Variants in TRMT44 observed in about 807,000 individuals in gnomAD.
TRMT44 encodes the protein probable tRNA (uracil-O(2)-)-methyltransferase.
A neutral mutation model predicts 77.3 loss-of-function variants in TRMT44; 78 were observed. The observed-to-expected ratio is 1.01, with a 90% CI of 0.84 to 1.22. The LOEUF is 1.22. Among genes scored for constraint, TRMT44 ranks in the 50% most tolerant of loss-of-function variants. The pLI is 0.00. For missense variants in TRMT44, 1,090 were observed against 964.4 expected, an observed-to-expected ratio of 1.13 and a Z score of -1.73; for synonymous variants, 391 against 383.3, an observed-to-expected ratio of 1.02 and a Z score of -0.23.
chr4:8,514,071 G>T, the TRMT44 span, among the ~76,000 whole-genome samples: 2 of 152,172 alleles, frequency 1.3e-5, no homozygotes, highest in Non-Finnish European at 2.9e-5. Context: ...CACAGGTCCA[G>T]CCTACTGGAA....
chr4:8,445,794 G>A (rs1168535995), intron 1 of TRMT44, among the ~76,000 whole-genome samples: 1 of 152,150 alleles, frequency 6.6e-6, no homozygotes, highest in Non-Finnish European at 1.5e-5. Context: ...CCACAGTTGT[G>A]CATATTTGGC....
chr4:8,508,463 C>G, the TRMT44 span, among the ~76,000 whole-genome samples: 1 of 152,202 alleles, frequency 6.6e-6, no homozygotes, highest in African/African-American at 2.4e-5. Context: ...CAAGTGACCC[C>G]CAGCCAGGCC....
chr4:8,472,097 A>G (rs1049412436), intron 10 of TRMT44, among the ~76,000 whole-genome samples: 1 of 151,196 alleles, frequency 6.6e-6, no homozygotes, highest in African/African-American at 2.4e-5. Context: ...TTCCACGTGC[A>G]TCTTTAAGAA....
At chr4:8,453,776 G>A (rs1457320308) in intron 5 of TRMT44, 1 of 152,288 alleles carries the variant, frequency 6.6e-6, no homozygotes, top group Non-Finnish European at 1.5e-5. Flanking sequence ...GCCACTTCCT[G>A]CTAGGGGGCA....
At chr4:8,483,420 G>A (rs893099557) in intron 2 of TRMT44, among the ~76,000 whole-genome samples, 9 of 151,970 alleles carry the variant, frequency 5.9e-5, no homozygotes, top group Non-Finnish European at 7.4e-5. Context: ...GTTTTTTTGG[G>A]GGGGGGCACG....
At chr4:8,445,087 G>C (rs1303479188) in intron 1 of TRMT44, among the ~76,000 whole-genome samples, 1 of 152,186 alleles carries the variant, frequency 6.6e-6, no homozygotes, top group Admixed American at 6.5e-5. Flanking sequence ...CAGTGACACT[G>C]AGGCTAAGAA....
At chr4:8,463,101 T>G (rs1045210504) in intron 6 of TRMT44, among the ~76,000 whole-genome samples, 1 of 152,222 alleles carries the variant, frequency 6.6e-6, no homozygotes, top group Non-Finnish European at 1.5e-5. Context: ...TTAGAAAGAA[T>G]AGCCTTGAAG....
chr4:8,481,187 CAACCA>C (rs1250298050), downstream of TRMT44, among the ~76,000 whole-genome samples: 2 of 152,240 alleles, frequency 1.3e-5, no homozygotes, highest in African/African-American at 4.8e-5. Flanking sequence ...CAGACAAACT[CAACCA>C]ATTGTCAACC....
In TRMT44 at chr4:8,451,537, C is replaced by T. The variant is rs1312954869; in HGVS notation, c.955-423C>T. ...TATCCCTGTTTGACAGGTAGGGCGACAGCAGCCACTGATGGACCAGGGGCT... is the reference window on the plus strand; with the variant it reads ...TATCCCTGTTTGACAGGTAGGGCGATAGCAGCCACTGATGGACCAGGGGCT... On this transcript the variant is annotated intron_variant, in intron 3 of 10. Coordinates refer to ENST00000389737, the MANE Select transcript of TRMT44 (RefSeq NM_152544.3). This position sits in a 1 kb window ranked among gnomAD's most constrained non-coding sequence, Gnocchi z 4.1. Among the ~76,000 whole-genome samples, 1 of 152,202 alleles carries T rather than the reference C, an allele frequency of 6.6e-6. No homozygotes were observed. The highest frequency in any genetic ancestry group is 1.5e-5 in the Non-Finnish European group (1 of 68,042).
chr4:8,466,800 C>G (rs375096829), intron 8 of TRMT44, among the ~76,000 whole-genome samples: 1 of 152,160 alleles, frequency 6.6e-6, no homozygotes, highest in African/African-American at 2.4e-5. Flanking sequence ...GTTTGGGGAT[C>G]GAATGTAAGA....
the TRMT44 span, among the ~76,000 whole-genome samples, chr4:8,511,377 A>G: frequency 6.6e-6 from 1 of 152,106 alleles, no homozygotes; most frequent in African/African-American, 2.4e-5. Context: ...GAGTCAGAAT[A>G]ATGTCCCCCC....
chr4:8,515,370 G>A, the TRMT44 span, among the ~76,000 whole-genome samples: 5 of 152,250 alleles, frequency 3.3e-5, no homozygotes, highest in South Asian at 2.1e-4. Context: ...ACGGTCCAGC[G>A]AAGGGCAGCG....
the TRMT44 span, among the ~76,000 whole-genome samples, chr4:8,513,266 C>T: frequency 1.3e-5 from 2 of 152,240 alleles, no homozygotes; most frequent in Non-Finnish European, 2.9e-5. Flanking sequence ...GAGCAAGTCA[C>T]ATCTTACATG....
chr4:8,467,100 G>A (rs2109160457), intron 8 of TRMT44, among the ~76,000 whole-genome samples: 2 of 152,346 alleles, frequency 1.3e-5, no homozygotes, highest in Middle Eastern at 6.8e-3. Flanking sequence ...GGGGTGTGCG[G>A]CAAAGGGAGG....
At chr4:8,443,019 T>C (rs1724847562) in intron 1 of TRMT44, among the ~76,000 whole-genome samples, 1 of 152,212 alleles carries the variant, frequency 6.6e-6, no homozygotes, top group African/African-American at 2.4e-5. Flanking sequence ...TATTACGGCA[T>C]GGACACTTTT....
chr4:8,445,236 C>T (rs1239661383), intron 1 of TRMT44, among the ~76,000 whole-genome samples: 13 of 152,232 alleles, frequency 8.5e-5, no homozygotes, highest in African/African-American at 2.9e-4. Context: ...AAGTGAGCCT[C>T]GCACCTTGGC....
At chr4:8,473,078 A>G (rs978347916) in intron 10 of TRMT44, among the ~76,000 whole-genome samples, 9 of 152,238 alleles carry the variant, frequency 5.9e-5, no homozygotes, top group Admixed American at 2.0e-4. Context: ...TGCGAAAACT[A>G]TGCTCTGAAG....
At chr4:8,484,911 A>G (rs1305246965) in intron 2 of TRMT44, among the ~76,000 whole-genome samples, 1 of 152,196 alleles carries the variant, frequency 6.6e-6, no homozygotes, top group African/African-American at 2.4e-5. Flanking sequence ...ATGAAGAATT[A>G]TGCCGAGATA....
At position 8,464,703 on chromosome 4, in the gene TRMT44, C is replaced by T. The variant is rs796989645; in HGVS notation, c.1310+612C>T. On this transcript the variant is annotated intron_variant, in intron 7 of 10. Coordinates refer to ENST00000389737, the MANE Select transcript of TRMT44 (RefSeq NM_152544.3). ...TTTAACCGTTCCTATTAAAAGCTGACGTCTTAAAGTACTTCAAGAAGTTTC... is the reference window on the plus strand; with the variant it reads ...TTTAACCGTTCCTATTAAAAGCTGATGTCTTAAAGTACTTCAAGAAGTTTC... Among the ~76,000 whole-genome samples, 27 of 152,296 alleles carry T rather than the reference C, an allele frequency of 1.8e-4. 1 individual carries two copies. Among genetic ancestry groups the T allele is most frequent in the African/African-American group, 6.3e-4 (26 of 41,558 alleles).
Sources: gnomAD v4.1 joint callset for allele counts (sites outside exome capture counted in the v4.1 genomes callset) on GRCh38, gnomAD v4.1.1 for gene constraint, Gnocchi (gnomAD v3.1) non-coding constraint, MANE v1.5 for transcripts, NCBI Gene and HGNC (gene_info 2026-07-23, HGNC 2026-07-21) for gene names.